Variants in ITGB1 observed in about 807,000 individuals in gnomAD.
The protein encoded by ITGB1 is integrin beta-1.
In ITGB1, 24 loss-of-function variants were observed where a neutral mutation model predicts 86.5. The ratio of observed to expected loss-of-function variants is 0.28; its 90% confidence interval spans 0.20 to 0.39. The LOEUF is 0.39. ITGB1 is among the 10% of genes least tolerant of loss of function. ITGB1 has a pLI of 1.00. For missense variants in ITGB1, 556 were observed against 946.9 expected (o/e 0.59, Z 5.42); for synonymous variants, 323 against 316.8 (o/e 1.02, Z -0.21).
chr10:32,923,723 C>T lies in ITGB1; in HGVS notation c.804G>A (p.Arg268=). 1 of 1,612,404 alleles carries T rather than the reference C, an allele frequency of 6.2e-7. No individual in the cohort carries two copies. Among genetic ancestry groups the T allele is most frequent in the Non-Finnish European group, 8.5e-7 (1 of 1,179,390 alleles). ...AAAACACCAGCAGCCGTGTAACATT[C>T]CTCCAGCCAATCAGTGACTTGAAAA... ...VAVCGSLIGW[R]NVTRLLVFST... is the part of the protein sequence containing the mutation. The change falls in exon 7 of 16, where the codon AGG becomes AGA. Residue 268 remains arginine (R), a synonymous_variant. Transcript: ENST00000302278.
At position 32,911,631 on chromosome 10, in the gene ITGB1, G is replaced by A. The variant is rs144105498; in HGVS notation, c.1748C>T (p.Pro583Leu). 3.1e-6 allele frequency: 5 copies of A among 1,614,072 alleles called. No homozygotes were observed. In the East Asian group the frequency reaches 1.1e-4, roughly 36 times the overall value. The stretch of plus-strand genomic sequence containing the variant: ...GTCACATGCACTGCCAGTGTAGTTG[G>A]GGTTGCACTCACACACACGACACTT... ...VCKCRVCECNPNYTGSACDCS... is the reference protein window; with the variant it reads ...VCKCRVCECNLNYTGSACDCS... Residue 583 changes from proline (P) to leucine (L), a missense_variant, in exon 13 of 16, where the codon CCC becomes CTC. Around this residue, in one of 4 missense-constraint regions of ITGB1, gnomAD observed 330 missense variants for 531.5 expected, o/e 0.62. Transcript: ENST00000302278.
intron 10 of ITGB1, 26 bp downstream of exon 10, chr10:32,920,219 T>G: frequency 6.2e-7 from 1 of 1,602,862 alleles, no homozygotes; most frequent in Non-Finnish European, 8.5e-7. Flanking sequence ...CAATGTTTTC[T>G]ACAGAAAATG....
chr10:32,949,495 G>A (rs919760647), intron 1 of ITGB1, among the ~76,000 whole-genome samples: 19 of 152,154 alleles, frequency 1.2e-4, no homozygotes, highest in Admixed American at 9.8e-4. Flanking sequence ...GCCAAGAAAA[G>A]TTATTTTAAT....
intron 11 of ITGB1, among the ~76,000 whole-genome samples, chr10:32,915,059 A>G (rs2094927307): frequency 6.6e-6 from 1 of 152,246 alleles, no homozygotes; most frequent in Non-Finnish European, 1.5e-5. Context: ...CTGCTCCTGA[A>G]TGACTACTGG....
chr10:32,908,818 A>G (rs1468187699), intron 14 of ITGB1, among the ~76,000 whole-genome samples: 1 of 152,220 alleles, frequency 6.6e-6, no homozygotes, highest in African/African-American at 2.4e-5. Flanking sequence ...AAACTTACAT[A>G]TAAGTCTAAC....
At chr10:32,929,365 C>T (rs1451663227) in intron 4 of ITGB1, among the ~76,000 whole-genome samples, 1 of 152,008 alleles carries the variant, frequency 6.6e-6, no homozygotes, top group Non-Finnish European at 1.5e-5. Flanking sequence ...CAAGAAAGGT[C>T]GGAAACCAGA....
Position 32,925,868 on chromosome 10 carries a change from T to C in ITGB1, c.786+3A>G. 1 of 1,547,352 alleles carries C rather than the reference T, an allele frequency of 6.5e-7. No homozygotes were observed. The highest frequency in any genetic ancestry group is 1.1e-5 in the South Asian group (1 of 89,734). On this transcript the variant is annotated splice_donor_region_variant and intron_variant, in intron 6 of 15. Coordinates refer to ENST00000302278, the MANE Select transcript of ITGB1 (RefSeq NM_002211.4). ...TCCCCTGATAGGAAATGAATGCGCT[T>C]ACTCCACAAACTGCAACTTGCATGA...
intron 1 of ITGB1, among the ~76,000 whole-genome samples, chr10:32,945,714 A>G (rs2095029983): frequency 6.6e-6 from 1 of 152,164 alleles, no homozygotes; most frequent in African/African-American, 2.4e-5. Context: ...TTAATGCCAC[A>G]TTTCTAGCAT....
At chr10:32,934,212 G>A (rs1354614337) in intron 2 of ITGB1, among the ~76,000 whole-genome samples, 1 of 152,064 alleles carries the variant, frequency 6.6e-6, no homozygotes, top group Non-Finnish European at 1.5e-5. Context: ...CCAAATCAGT[G>A]GATTCAAGCA....
chr10:32,926,222 C>T, intron 5 of ITGB1, 113 bp from the exon 6 acceptor site: 2 of 784,536 alleles, frequency 2.5e-6, no homozygotes, highest in Non-Finnish European at 4.1e-6. Flanking sequence ...TTACTATGGA[C>T]TGAATGTCTG....
intron 1 of ITGB1, among the ~76,000 whole-genome samples, chr10:32,949,428 G>A (rs1486774240): frequency 3.3e-5 from 5 of 152,156 alleles, no homozygotes; most frequent in African/African-American, 1.2e-4. Context: ...GCACAGAAAT[G>A]GAAAGGGCTT....
chr10:32,926,202 C>A, intron 5 of ITGB1, 93 bp from the exon 6 acceptor site: 1 of 946,392 alleles, frequency 1.1e-6, no homozygotes, highest in Non-Finnish European at 1.6e-6. Context: ...TCTATGTTAC[C>A]AAATGTAGGT....
intron 1 of ITGB1, among the ~76,000 whole-genome samples, chr10:32,951,430 T>C (rs1476068037): frequency 2.0e-5 from 3 of 151,472 alleles, no homozygotes; most frequent in Non-Finnish European, 4.4e-5. Flanking sequence ...AGCCCCTCCC[T>C]GTCCTGAAAA....
chr10:32,915,975 T>C (rs374979461), intron 11 of ITGB1, among the ~76,000 whole-genome samples: 1 of 152,212 alleles, frequency 6.6e-6, no homozygotes, highest in African/African-American at 2.4e-5. Flanking sequence ...CACAATCAAG[T>C]TGGCTTCATC....
intron 5 of ITGB1, among the ~76,000 whole-genome samples, chr10:32,927,526 T>C (rs2094968759): frequency 6.6e-6 from 1 of 152,194 alleles, no homozygotes; most frequent in South Asian, 2.1e-4. Flanking sequence ...GCATGGTGGC[T>C]CACGCCTGTA....
rs2230396 is a variant in ITGB1 at position 32,920,338 on chromosome 10, G to C, written c.1176C>G (p.Gly392=). 4.0e-5 allele frequency: 65 copies of C among 1,612,606 alleles called. No individual in the cohort carries two copies. Among genetic ancestry groups the C allele is most frequent in the Admixed American group, 1.3e-4 (8 of 59,972 alleles). Residue 392 remains glycine, a synonymous_variant, in exon 10 of 16, where the codon GGC becomes GGG. Coordinates refer to ENST00000302278, the MANE Select transcript of ITGB1 (RefSeq NM_002211.4). ...VILENGKLSE[G]VTISYKSYCK... ...AGTAAGATTTGTAACTTATTGTTAC[G>C]CCTTCTGACAATTTGCCGTTTTCCA...
intron 1 of ITGB1, among the ~76,000 whole-genome samples, chr10:32,953,279 T>C (rs1034585288): frequency 2.0e-5 from 3 of 152,242 alleles, no homozygotes; most frequent in African/African-American, 7.2e-5. Flanking sequence ...AAACACTCTT[T>C]GGTATTTATG....
At chr10:32,934,718 A>T (rs1014647347) in intron 2 of ITGB1, among the ~76,000 whole-genome samples, 10 of 152,058 alleles carry the variant, frequency 6.6e-5, no homozygotes, top group Middle Eastern at 6.8e-3. Flanking sequence ...TCTTTTGCAA[A>T]TTTTTTTGTT....
At chr10:32,945,491 C>T (rs891648694) in intron 1 of ITGB1, among the ~76,000 whole-genome samples, 1 of 151,686 alleles carries the variant, frequency 6.6e-6, no homozygotes, top group Non-Finnish European at 1.5e-5. Context: ...CCCAGCTACT[C>T]GGGAGGCTGA....
Sources: allele counts gnomAD v4.1 joint callset (sites outside exome capture counted in the v4.1 genomes callset), GRCh38; gene constraint gnomAD v4.1.1; regional missense constraint gnomAD v4.1.1; transcripts MANE v1.5; gene names NCBI Gene and HGNC (gene_info 2026-07-23, HGNC 2026-07-21).